EYA4: variants seen among roughly 807,000 people sequenced by gnomAD.
The protein encoded by EYA4 is EYA transcriptional coactivator and phosphatase 4, also known as protein phosphatase EYA4.
A neutral mutation model predicts 87.9 loss-of-function variants in EYA4; 31 were observed. That is an observed-to-expected ratio of 0.35 (90% CI 0.27 to 0.48). The LOEUF is 0.48. EYA4 is among the 20% of genes least tolerant of loss of function. The probability of loss-of-function intolerance (pLI) is 0.99; values close to 1 mark genes in which losing one functional copy is unlikely to be tolerated. For missense variants in EYA4, 678 were observed against 761.4 expected (o/e 0.89, Z 1.29); for synonymous variants, 263 against 270.6 (o/e 0.97, Z 0.28).
rs2128658614 is a variant in EYA4, at chr6:133,462,403, A to G, written c.506A>G (p.Tyr169Cys). The change falls in exon 8 of 20, where the codon TAT becomes TGT. Residue 169 changes from tyrosine to cysteine, a missense_variant. By Grantham distance (194) the Tyr-to-Cys change is radical (BLOSUM62 -2). Coordinates refer to ENST00000355286, the MANE Select transcript of EYA4 (RefSeq NM_004100.5). ...TCTGCCTATGCAGGCCAGACTCAGT[A>G]TTCGGGGATGCAGCAGCCAGCCGTC... ...TMSAYAGQTQYSGMQQPAVYT... is the reference protein window; with the variant it reads ...TMSAYAGQTQCSGMQQPAVYT... 6.2e-7 allele frequency: 1 copy of G among 1,614,020 alleles called. No individual in the cohort carries two copies. Among genetic ancestry groups the G allele is most frequent in the African/African-American group, 1.3e-5 (1 of 75,006 alleles).
intron 2 of EYA4, among the ~76,000 whole-genome samples, chr6:133,326,851 A>G (rs1052356237): frequency 6.6e-6 from 1 of 152,104 alleles, no homozygotes; most frequent in Non-Finnish European, 1.5e-5. Flanking sequence ...CTGCCCAATT[A>G]CATGATTCCA....
At chr6:133,327,885 C>T (rs967864701) in intron 2 of EYA4, among the ~76,000 whole-genome samples, 1 of 152,164 alleles carries the variant, frequency 6.6e-6, no homozygotes, top group African/African-American at 2.4e-5. Context: ...ATAGCCTGGG[C>T]AGGATAGTAT....
At chr6:133,520,222 A>G (rs933784765) in intron 17 of EYA4, among the ~76,000 whole-genome samples, 9 of 151,406 alleles carry the variant, frequency 5.9e-5, no homozygotes, top group African/African-American at 1.9e-4. Flanking sequence ...ACATGATTGT[A>G]TATCTAGAAA....
At chr6:133,519,971 G>C (rs370643351) in intron 17 of EYA4, among the ~76,000 whole-genome samples, 1 of 152,032 alleles carries the variant, frequency 6.6e-6, no homozygotes, top group Non-Finnish European at 1.5e-5. Context: ...ACTCTCAATT[G>C]ATGGGACGTA....
chr6:133,361,511 T>G (rs1784447344), intron 2 of EYA4, among the ~76,000 whole-genome samples: 1 of 152,120 alleles, frequency 6.6e-6, no homozygotes, highest in Non-Finnish European at 1.5e-5. Flanking sequence ...GACCGAGAAG[T>G]CTTGTGTATC....
intron 3 of EYA4, among the ~76,000 whole-genome samples, chr6:133,423,710 G>A (rs146120685): frequency 3.9e-5 from 6 of 152,234 alleles, no homozygotes; most frequent in Non-Finnish European, 8.8e-5. Flanking sequence ...TTTGACATAT[G>A]TATGTGCCAA....
chr6:133,505,940 C>A, intron 13 of EYA4, 166 bp from the exon 14 acceptor site: 1 of 617,690 alleles, frequency 1.6e-6, no homozygotes, highest in South Asian at 1.8e-5. Flanking sequence ...TATGTCTGAA[C>A]CTTCTGGAAA....
intron 2 of EYA4, among the ~76,000 whole-genome samples, chr6:133,343,905 A>G (rs1475577416): frequency 6.6e-6 from 1 of 152,134 alleles, no homozygotes; most frequent in Non-Finnish European, 1.5e-5. Flanking sequence ...TATGATATAT[A>G]CAAAGTTTTA....
intron 13 of EYA4, among the ~76,000 whole-genome samples, chr6:133,489,123 T>C (rs1353281665): frequency 6.6e-6 from 1 of 152,140 alleles, no homozygotes; most frequent in Non-Finnish European, 1.5e-5. Context: ...GAAGAATGCA[T>C]GAGTCTCTTA....
intron 1 of EYA4, among the ~76,000 whole-genome samples, chr6:133,252,509 G>A (rs1774989961): frequency 1.3e-5 from 2 of 152,094 alleles, no homozygotes; most frequent in Admixed American, 1.3e-4. Flanking sequence ...TTTTATCTAT[G>A]AAATGATATA....
chr6:133,341,442 A>T (rs1782770682), intron 2 of EYA4, among the ~76,000 whole-genome samples: 2 of 152,222 alleles, frequency 1.3e-5, no homozygotes, highest in Non-Finnish European at 2.9e-5. Flanking sequence ...GATGAAAATA[A>T]TCTGTGAACT....
Position 133,528,819 on chromosome 6 carries a change from C to A in EYA4, c.*14C>A. 1 of 1,613,060 alleles carries A rather than the reference C, an allele frequency of 6.2e-7. No homozygotes were observed. The highest frequency in any genetic ancestry group is 8.5e-7 in the Non-Finnish European group (1 of 1,179,178). On this transcript the variant is annotated 3_prime_UTR_variant, in exon 20 of 20. Coordinates refer to ENST00000355286, the MANE Select transcript of EYA4 (RefSeq NM_004100.5). ...GAGTATTTGTAACTGTGTTCTTTAG[C>A]CGGAGATCCATTTTTTATATTTCAA...
At chr6:133,388,420 A>AG (rs1422107398) in intron 3 of EYA4, among the ~76,000 whole-genome samples, 1 of 151,414 alleles carries the variant, frequency 6.6e-6, no homozygotes, top group Non-Finnish European at 1.5e-5. Flanking sequence ...AAAAAAAAAA[A>AG]AGTCTCAAAA....
chr6:133,394,326 G>C (rs1270435239), intron 3 of EYA4, among the ~76,000 whole-genome samples: 1 of 95,312 alleles, frequency 1.0e-5, no homozygotes, highest in Admixed American at 1.6e-4. Context: ...TTTGGTCATC[G>C]AATGATTTAA....
intron 13 of EYA4, among the ~76,000 whole-genome samples, chr6:133,497,024 A>G (rs2128741903): frequency 1.3e-5 from 2 of 152,254 alleles, no homozygotes; most frequent in Middle Eastern, 6.8e-3. Context: ...ACCCATAATT[A>G]GTGGGCAATA....
chr6:133,474,748 G>T (rs1246982605), intron 11 of EYA4, among the ~76,000 whole-genome samples: 1 of 152,094 alleles, frequency 6.6e-6, no homozygotes, highest in Non-Finnish European at 1.5e-5. Context: ...TATAACTATG[G>T]AATTTTTCTT....
chr6:133,315,097 C>T (rs931746328), intron 2 of EYA4, among the ~76,000 whole-genome samples: 1 of 152,220 alleles, frequency 6.6e-6, no homozygotes, highest in Non-Finnish European at 1.5e-5. Context: ...CGGAGCCAGT[C>T]TCTTGGAGAA....
chr6:133,414,937 A>C (rs1374989440), intron 3 of EYA4, among the ~76,000 whole-genome samples: 1 of 152,218 alleles, frequency 6.6e-6, no homozygotes, highest in East Asian at 1.9e-4. Flanking sequence ...CTTAAAGATG[A>C]AGGGACATCA....
rs1485897156 is a variant in EYA4 at position 133,342,605 on chromosome 6, A to ATATATATATATATATATATC, written c.34-39787_34-39786insTATATATATATATATATATC. The stretch of plus-strand genomic sequence containing the variant: ...TATATATATATATATATATATATAT[A>ATATATATATATATATATATC]ATTCTTTATATTTCTCTGGGCTTAA... On this transcript the variant is annotated intron_variant, in intron 2 of 19. Coordinates refer to ENST00000355286, the MANE Select transcript of EYA4 (RefSeq NM_004100.5). Among the ~76,000 whole-genome samples the ATATATATATATATATATATC allele has an allele frequency of 5.0e-4, 65 of 130,440 alleles. 3 individuals are homozygous for ATATATATATATATATATATC. The highest frequency in any genetic ancestry group is 2.1e-3 in the African/African-American group (64 of 30,542). The allele number at this position is 130,440 out of a possible 152,430, so 85.6% of individuals were successfully genotyped here. A position where few individuals can be genotyped will look rare whatever the true frequency, so the allele number is the denominator to read the frequency against.
Sources: allele counts gnomAD v4.1 joint callset (sites outside exome capture counted in the v4.1 genomes callset), GRCh38; gene constraint gnomAD v4.1.1; transcripts MANE v1.5; gene names NCBI Gene and HGNC (gene_info 2026-07-23, HGNC 2026-07-21).